USP4: variants seen among roughly 807,000 people sequenced by gnomAD.
The protein encoded by USP4 is ubiquitin carboxyl-terminal hydrolase 4.
USP4 carries 72 observed loss-of-function variants against 118.2 expected under a neutral mutation model. The ratio of observed to expected loss-of-function variants is 0.61; its 90% confidence interval spans 0.50 to 0.74. The LOEUF (loss-of-function observed/expected upper bound fraction) is 0.74. USP4 is among the 30% of genes least tolerant of loss of function. The pLI is 0.00. For missense variants in USP4, 1,037 were observed against 1,185.7 expected, an observed-to-expected ratio of 0.87 and a Z score of 1.84; for synonymous variants, 415 against 440.4, an observed-to-expected ratio of 0.94 and a Z score of 0.72.
At position 49,340,053 on chromosome 3, in the gene USP4, C is replaced by G. The variant is rs372104692; in HGVS notation, c.-29G>C. 2 of 1,590,556 alleles carry G rather than the reference C, an allele frequency of 1.3e-6. No homozygotes were observed. The highest frequency in any genetic ancestry group is 1.3e-5 in the African/African-American group (1 of 74,672). ...CTCCGCGGCCCCGGCCCAGCCGGCC[C>G]GGACATCCGCCCCGCGCGCGGCGTG... On this transcript the variant is annotated 5_prime_UTR_variant, in exon 1 of 22. Coordinates refer to ENST00000265560, the MANE Select transcript of USP4 (RefSeq NM_003363.4).
At chr3:49,283,884 C>T (rs1167389825) in intron 19 of USP4, 103 bp downstream of exon 19, 81 of 1,419,854 alleles carry the variant, frequency 5.7e-5, no homozygotes, top group Non-Finnish European at 5.7e-5. Context: ...CAACACACAT[C>T]CTTACTCAGA....
At chr3:49,324,331 C>T (rs1179883177) in intron 6 of USP4, among the ~76,000 whole-genome samples, 4 of 152,122 alleles carry the variant, frequency 2.6e-5, no homozygotes, top group African/African-American at 9.7e-5. Flanking sequence ...TATAAAACCC[C>T]ATGCCTTAGC....
chr3:49,330,171 A>AAAACAAAC (rs112008342), intron 2 of USP4, among the ~76,000 whole-genome samples: 2,877 of 148,522 alleles, frequency 0.019, 51 homozygotes, highest in South Asian at 0.041. Context: ...ACTCTGTCTC[A>AAAACAAAC]AAACAAACAA....
chr3:49,330,846 T>C (rs983259761), intron 2 of USP4, among the ~76,000 whole-genome samples: 4 of 150,588 alleles, frequency 2.7e-5, no homozygotes, highest in Non-Finnish European at 4.4e-5. Flanking sequence ...CCGTCTCTAC[T>C]AAAAATACAA....
In USP4 at chr3:49,292,514, A is replaced by G; in HGVS notation, c.1968T>C (p.Cys656=). The G allele has an allele frequency of 6.3e-7, 1 of 1,577,052 alleles. No individual in the cohort carries two copies. The highest frequency in any genetic ancestry group is 8.6e-7 in the Non-Finnish European group (1 of 1,160,908). Residue 656 remains cysteine, a synonymous_variant, in exon 15 of 22, where the codon TGT becomes TGC. Transcript: ENST00000265560. The stretch of plus-strand genomic sequence containing the variant: ...CAGAGCATGGTGCATACTCACCTTC[A>G]CAGCTGTTCCTGGAGCCATTGCAGG... ...PGACNGSRNS[C]EGEDEEEMEH...
At chr3:49,300,317 T>C in intron 11 of USP4, 150 bp downstream of exon 11, 2 of 649,124 alleles carry the variant, frequency 3.1e-6, no homozygotes, top group Middle Eastern at 4.3e-4. Context: ...GATATGGGAT[T>C]AGACAAAGGT....
rs1408987694 is a variant in USP4 at position 49,305,733 on chromosome 3, C to T, written c.1110G>A (p.Val370=). The part of the protein sequence containing the change: ...KQMWSGRDAH[V]APRMFKTQVG... ...TACCTACTTTGAACATGCGAGGTGC[C>T]ACATGGGCGTCCCTTCCAGACCACA... is the stretch of plus-strand genomic sequence containing the variant. The change falls in exon 9 of 22, where the codon GTG becomes GTA. Residue 370 remains valine, a synonymous_variant. Coordinates refer to ENST00000265560, the MANE Select transcript of USP4 (RefSeq NM_003363.4). 1.2e-6 allele frequency: 2 copies of T among 1,610,438 alleles called. No homozygotes were observed. Among genetic ancestry groups the T allele is most frequent in the East Asian group, 2.2e-5 (1 of 44,770 alleles).
chr3:49,294,892 C>A (rs373918996), intron 13 of USP4, among the ~76,000 whole-genome samples: 2 of 152,170 alleles, frequency 1.3e-5, no homozygotes, highest in Non-Finnish European at 2.9e-5. Context: ...GGACCCAACA[C>A]AGATAACAGC....
chr3:49,298,128 G>C (rs188833594), intron 12 of USP4, among the ~76,000 whole-genome samples, 164 bp from the exon 13 acceptor site: 3 of 152,212 alleles, frequency 2.0e-5, no homozygotes, highest in African/African-American at 7.2e-5. Flanking sequence ...CAAGGCCCAA[G>C]GGGGAGCAGC....
At chr3:49,292,174 T>C (rs976605556) in intron 15 of USP4, among the ~76,000 whole-genome samples, 2 of 151,596 alleles carry the variant, frequency 1.3e-5, no homozygotes, top group Non-Finnish European at 2.9e-5. Flanking sequence ...TAGTCCCAGC[T>C]ACTCTGGAGG....
intron 3 of USP4, 76 bp downstream of exon 3, chr3:49,327,610 A>G (rs1335340827): frequency 3.9e-6 from 6 of 1,529,766 alleles, no homozygotes; most frequent in Non-Finnish European, 5.4e-6. Context: ...TCATTTTCCT[A>G]GCAAACACTA....
At chr3:49,306,118 T>C (rs1248507727) in intron 8 of USP4, among the ~76,000 whole-genome samples, 4 of 151,630 alleles carry the variant, frequency 2.6e-5, no homozygotes, top group Non-Finnish European at 5.9e-5. Context: ...CGCATATGCA[T>C]TGGCTAAGAC....
intron 10 of USP4, among the ~76,000 whole-genome samples, chr3:49,301,618 G>A (rs1316867948): frequency 6.6e-6 from 1 of 152,062 alleles, no homozygotes; most frequent in Non-Finnish European, 1.5e-5. Flanking sequence ...AACCCGGGAG[G>A]TGGAGGTTGC....
intron 2 of USP4, 88 bp from the exon 3 acceptor site, chr3:49,327,904 G>C: frequency 7.6e-7 from 1 of 1,314,502 alleles, no homozygotes. Flanking sequence ...TCAGAAATAA[G>C]AAAATTATTT....
At chr3:49,325,114 T>C in intron 4 of USP4, 75 bp from the exon 5 acceptor site, 1 of 1,544,768 alleles carries the variant, frequency 6.5e-7, no homozygotes, top group Admixed American at 1.9e-5. Flanking sequence ...AAACTAATGC[T>C]CATCCTCTTT....
intron 15 of USP4, 73 bp from the exon 16 acceptor site, chr3:49,286,398 T>C (rs901631343): frequency 2.8e-6 from 4 of 1,410,900 alleles, no homozygotes; most frequent in African/African-American, 1.4e-5. Context: ...ATTTAATACA[T>C]AACTATGGTG....
chr3:49,280,133 C>T (rs563017295), intron 20 of USP4, among the ~76,000 whole-genome samples: 1 of 151,206 alleles, frequency 6.6e-6, no homozygotes, highest in Non-Finnish European at 1.5e-5. Flanking sequence ...TGTGGTGGCG[C>T]ACACCTGTAA....
Position 49,302,440 on chromosome 3 carries a change from G to A in USP4, c.1231C>T (p.Arg411Trp), listed in dbSNP as rs536981448. The change falls in exon 10 of 22, where the codon CGG becomes TGG. Residue 411 changes from arginine (R) to tryptophan (W), a missense_variant. Physicochemically the swap from Arg to Trp is moderately radical, Grantham distance 101 (BLOSUM62 -3). Around this residue, in one of 3 missense-constraint regions of USP4, gnomAD observed 487 missense variants for 534.1 expected, o/e 0.91. Transcript: ENST00000265560. ...LLDGLHEDLN[R>W]VKKKPYLELK... ...TCCAAGTAGGGCTTTTTCTTTACCC[G>A]GTTCAGATCTTCATGCAATCCATCT... The A allele has an allele frequency of 1.4e-5, 23 of 1,614,054 alleles. No individual in the cohort carries two copies. The highest frequency in any genetic ancestry group is 3.3e-5 in the Admixed American group (2 of 59,982).
Position 49,278,140 on chromosome 3 carries a change from TTC to T in USP4, c.*151_*152del. 3 of 802,654 alleles carry T rather than the reference TTC, an allele frequency of 3.7e-6. No homozygotes were observed. The highest frequency in any genetic ancestry group is 5.1e-6 in the Non-Finnish European group (3 of 592,630). 49.7% of individuals were successfully genotyped at this position (802,654 alleles called of 1,614,324 possible). A position where few individuals can be genotyped will look rare whatever the true frequency, so the allele number is the denominator to read the frequency against. ...CATAGCTTCTTCTAGGTAAACGGTCTTCTTTTTTTTTTTTTGTTTCCTTCTGC... is the reference window on the plus strand; with the variant it reads ...CATAGCTTCTTCTAGGTAAACGGTCTTTTTTTTTTTTTTGTTTCCTTCTGC... On this transcript the variant is annotated 3_prime_UTR_variant, in exon 22 of 22. Transcript: ENST00000265560.
Sources: gnomAD v4.1 joint callset for allele counts (sites outside exome capture counted in the v4.1 genomes callset) on GRCh38, gnomAD v4.1.1 for gene constraint, gnomAD v4.1.1 regional missense constraint, MANE v1.5 for transcripts, NCBI Gene and HGNC (gene_info 2026-07-23, HGNC 2026-07-21) for gene names.